AFAP1L2: variants seen among roughly 807,000 people sequenced by gnomAD.
The protein encoded by AFAP1L2 is actin filament-associated protein 1-like 2.
AFAP1L2 carries 46 observed loss-of-function variants against 99.3 expected under a neutral mutation model. The ratio of observed to expected loss-of-function variants is 0.46; its 90% CI spans 0.37 to 0.59. The LOEUF is 0.59. Ranked by LOEUF, AFAP1L2 falls within the 20% of genes least tolerant of loss-of-function variation. The pLI is 0.00. For missense variants in AFAP1L2, 959 were observed against 1,034.9 expected, an observed-to-expected ratio of 0.93 and a Z score of 1.01; for synonymous variants, 397 against 419.1, an observed-to-expected ratio of 0.95 and a Z score of 0.64.
rs2040136815 is a variant in AFAP1L2, at chr10:114,295,916, A to G, written c.*126T>C. 4 of 1,577,392 alleles carry G rather than the reference A, an allele frequency of 2.5e-6. No individual in the cohort carries two copies. Among genetic ancestry groups the G allele is most frequent in the South Asian group, 2.4e-5 (2 of 84,176 alleles). ...TCCTCTTAGCTGAAGCTCTCCATTC[A>G]CAGTACCTCAGTCTTTGCTTTTTCT... is the stretch of plus-strand genomic sequence containing the variant. On this transcript the variant is annotated 3_prime_UTR_variant, in exon 19 of 19. Transcript: ENST00000304129.
intron 7 of AFAP1L2, among the ~76,000 whole-genome samples, chr10:114,313,191 G>T (rs2043537378): frequency 6.6e-6 from 1 of 152,088 alleles, no homozygotes; most frequent in African/African-American, 2.4e-5. Flanking sequence ...GCCTCACCAG[G>T]GTCCCTGCTG....
intron 1 of AFAP1L2, among the ~76,000 whole-genome samples, chr10:114,351,145 A>G (rs1044831786): frequency 6.6e-6 from 1 of 152,216 alleles, no homozygotes; most frequent in Non-Finnish European, 1.5e-5. Context: ...TGTGTTGGAT[A>G]GGAAAAAAGA....
chr10:114,291,080 C>G (rs1157283616), downstream of AFAP1L2: 2 of 1,003,966 alleles, frequency 2.0e-6, no homozygotes, highest in East Asian at 2.6e-5. Context: ...CACATGGGGT[C>G]TCTAATCTGG....
chr10:114,320,103 G>T (rs995672031), intron 5 of AFAP1L2, among the ~76,000 whole-genome samples: 1 of 152,148 alleles, frequency 6.6e-6, no homozygotes, highest in Non-Finnish European at 1.5e-5. Context: ...TTTGCATTGT[G>T]TTACTATAAA....
chr10:114,364,071 T>C (rs1456755120), intron 1 of AFAP1L2, among the ~76,000 whole-genome samples: 3 of 152,214 alleles, frequency 2.0e-5, no homozygotes, highest in Non-Finnish European at 4.4e-5. Flanking sequence ...TAAAGGTTAA[T>C]GTCACTAATA....
the AFAP1L2 span, among the ~76,000 whole-genome samples, chr10:114,288,668 T>C: frequency 4.6e-5 from 7 of 152,208 alleles, no homozygotes; most frequent in South Asian, 2.1e-4. Flanking sequence ...GAGTTTGAAA[T>C]TGATCACGTC....
chr10:114,370,922 G>C (rs1008399700), intron 1 of AFAP1L2, among the ~76,000 whole-genome samples: 9 of 152,170 alleles, frequency 5.9e-5, no homozygotes, highest in Admixed American at 1.3e-4. Flanking sequence ...TTAAAGCCCA[G>C]TTCAAGTCCT....
At chr10:114,283,355 G>T in the AFAP1L2 span, among the ~76,000 whole-genome samples, 1 of 151,546 alleles carries the variant, frequency 6.6e-6, no homozygotes. Flanking sequence ...GCAGGGTAGC[G>T]AGCAGTTAGA....
At chr10:114,310,514 A>G in intron 7 of AFAP1L2, 71 bp from the exon 8 acceptor site, 1 of 1,427,576 alleles carries the variant, frequency 7.0e-7, no homozygotes, top group Admixed American at 2.0e-5. Flanking sequence ...GGCTGAAGCC[A>G]GGGCCCCTGC....
Position 114,297,226 on chromosome 10 carries a change from G to A in AFAP1L2, c.2301C>T (p.Ser767=). The A allele has an allele frequency of 1.2e-6, 2 of 1,613,850 alleles. No homozygotes were observed. The highest frequency in any genetic ancestry group is 1.7e-6 in the Non-Finnish European group (2 of 1,179,868). ...TVDTTHLENV[S]PRPKAVTPAS... is the part of the protein sequence containing the mutation. ...CCGCAGTTCCAGCACTCACGCGGGG[G>A]CTCACATTCTCCAGGTGGGTGGTGT... Residue 767 remains serine, a synonymous_variant, in exon 17 of 19, where the codon AGC becomes AGT. Transcript: ENST00000304129.
intron 5 of AFAP1L2, among the ~76,000 whole-genome samples, chr10:114,317,852 A>G (rs2044389445): frequency 6.6e-6 from 1 of 152,182 alleles, no homozygotes; most frequent in Non-Finnish European, 1.5e-5. Context: ...AGAGTGAGAC[A>G]GTCTCAAAAA....
In AFAP1L2 at chr10:114,331,852, T is replaced by C. The variant is rs949063814; in HGVS notation, c.266A>G (p.His89Arg). 2.2e-6 allele frequency: 3 copies of C among 1,384,836 alleles called. No individual in the cohort carries two copies. The African/African-American group carries it at 4.5e-5, about 21-fold the overall frequency. 85.8% of individuals were successfully genotyped at this position (1,384,836 alleles called of 1,614,324 possible). A position where few individuals can be genotyped will look rare whatever the true frequency, so the allele number is the denominator to read the frequency against. ...GLLPNGEPSQ[H>R]SSAPQKSLPD... ...AAGGCTCTTCTGAGGGGCCGAGGAG[T>C]GCTGGCTGGGCTCCCCATTGGGTAG... Residue 89 changes from histidine (H) to arginine (R), a missense_variant, in exon 4 of 19, where the codon CAC becomes CGC. This residue lies in a region of AFAP1L2 where 383 missense variants were observed against 472.8 expected (regional missense o/e 0.81). Transcript: ENST00000304129.
chr10:114,377,070 G>A lies in AFAP1L2; in HGVS notation c.16+27370C>T, dbSNP rs1046555298. 2.0e-5 allele frequency among the ~76,000 whole-genome samples: 3 copies of A among 152,164 alleles called. No individual in the cohort carries two copies. Among genetic ancestry groups the A allele is most frequent in the Admixed American group, 6.5e-5 (1 of 15,272 alleles). Reference sequence around the variant, plus strand: ...TCACTGGGGGCATTATACAAGACAAGGTCATAATACATGTGAAACATCTCC... The same window carrying A: ...TCACTGGGGGCATTATACAAGACAAAGTCATAATACATGTGAAACATCTCC... On this transcript the variant is annotated intron_variant, in intron 1 of 18. Transcript: ENST00000304129. This position sits in a 1 kb window ranked among gnomAD's most constrained non-coding sequence, Gnocchi z 4.0.
At chr10:114,313,361 C>A (rs1396071027) in intron 7 of AFAP1L2, among the ~76,000 whole-genome samples, 1 of 152,108 alleles carries the variant, frequency 6.6e-6, no homozygotes, top group Admixed American at 6.5e-5. Flanking sequence ...CACGTGCATT[C>A]GTGGTGGGAG....
In AFAP1L2 at chr10:114,313,994, G is replaced by A; in HGVS notation, c.669C>T (p.Ser223=). 1.2e-6 allele frequency: 2 copies of A among 1,614,106 alleles called. No individual in the cohort carries two copies. The highest frequency in any genetic ancestry group is 1.1e-5 in the South Asian group (1 of 91,078). ...SPQLDVNLLG[S]SVIHKEKQVR... ...CTTGCTTCTCCTTGTGAATGACGCT[G>A]CTGCCCAGTAGGTTCACGTCCAGCT... Residue 223 remains serine (S), a synonymous_variant, in exon 7 of 19, where the codon AGC becomes AGT. Transcript: ENST00000304129.
chr10:114,386,608 C>A (rs568682893), intron 1 of AFAP1L2, among the ~76,000 whole-genome samples: 19 of 152,244 alleles, frequency 1.2e-4, no homozygotes, highest in Admixed American at 9.8e-4. Context: ...ATGAATGTGT[C>A]CCAAGCAGCC....
chr10:114,320,008 G>A (rs979171100), intron 5 of AFAP1L2, among the ~76,000 whole-genome samples: 2 of 152,146 alleles, frequency 1.3e-5, no homozygotes, highest in South Asian at 2.1e-4. Context: ...GAGGGTGGCC[G>A]AGACAAACAT....
At position 114,315,548 on chromosome 10, in the gene AFAP1L2, A is replaced by G; in HGVS notation, c.612+12T>C. The G allele has an allele frequency of 6.2e-7, 1 of 1,613,710 alleles. No individual in the cohort carries two copies. Among genetic ancestry groups the G allele is most frequent in the Non-Finnish European group, 8.5e-7 (1 of 1,179,818 alleles). Reference sequence around the variant, plus strand: ...AGGAGTCGGGGGACAAGACGACGTAAGGCAGACTGACCAGAAGCCTGTTGT... The same window carrying G: ...AGGAGTCGGGGGACAAGACGACGTAGGGCAGACTGACCAGAAGCCTGTTGT... On this transcript the variant is annotated intron_variant, in intron 6 of 18. Coordinates refer to ENST00000304129, the MANE Select transcript of AFAP1L2 (RefSeq NM_001001936.3).
intron 1 of AFAP1L2, among the ~76,000 whole-genome samples, chr10:114,346,152 G>C (rs1038503652): frequency 3.9e-5 from 6 of 152,192 alleles, no homozygotes; most frequent in Admixed American, 2.6e-4. Flanking sequence ...GCCTGGGGAT[G>C]AGAGAGAGTC....
Sources: allele counts gnomAD v4.1 joint callset (sites outside exome capture counted in the v4.1 genomes callset), GRCh38; gene constraint gnomAD v4.1.1; regional missense constraint gnomAD v4.1.1; non-coding constraint Gnocchi (gnomAD v3.1); transcripts MANE v1.5; gene names NCBI Gene and HGNC (gene_info 2026-07-23, HGNC 2026-07-21).